The following WRN variants were observed in gnomAD, a reference collection of about 807,000 sequenced individuals.
WRN encodes the protein WRN RecQ like helicase.
WRN carries 149 observed loss-of-function variants against 180.7 expected under a neutral mutation model. The observed-to-expected ratio is 0.82, with a 90% CI of 0.72 to 0.94. The LOEUF is 0.94. WRN is among the 40% of genes least tolerant of loss of function. The pLI, the probability that WRN is intolerant of heterozygous loss-of-function variation, is 0.00. For missense variants in WRN, 1,661 were observed against 1,700.1 expected (o/e 0.98, Z 0.40); for synonymous variants, 548 against 568.9 (o/e 0.96, Z 0.52).
chr8:31,162,154 G>T (rs1228219089), intron 33 of WRN, among the ~76,000 whole-genome samples: 1 of 152,074 alleles, frequency 6.6e-6, no homozygotes, highest in African/African-American at 2.4e-5. Flanking sequence ...TCTTCTTTAT[G>T]AATTAAAATC....
At chr8:31,069,021 T>C (rs901849944) in intron 7 of WRN, among the ~76,000 whole-genome samples, 1 of 152,218 alleles carries the variant, frequency 6.6e-6, no homozygotes, top group Non-Finnish European at 1.5e-5. Flanking sequence ...ATGTAGATAC[T>C]AGCATAATGT....
Position 31,173,011 on chromosome 8 carries a change from G to C in WRN, c.4208G>C (p.Arg1403Thr). ...GINTETSSAE[R>T]KRRLPVWFAK... ...TTCCTACAGACTTCATCTGCAGAGAGAAAGAGACGATTACCTGTGTGGTTT... is the reference window on the plus strand; with the variant it reads ...TTCCTACAGACTTCATCTGCAGAGACAAAGAGACGATTACCTGTGTGGTTT... Residue 1403 changes from arginine to threonine, a missense_variant, in exon 35 of 35, where the codon AGA becomes ACA. Transcript: ENST00000298139. 1.9e-6 allele frequency: 3 copies of C among 1,613,874 alleles called. No individual in the cohort carries two copies. The highest frequency in any genetic ancestry group is 2.5e-6 in the Non-Finnish European group (3 of 1,179,916).
At chr8:31,048,712 C>T (rs1811966343) in intron 1 of WRN, among the ~76,000 whole-genome samples, 1 of 152,116 alleles carries the variant, frequency 6.6e-6, no homozygotes, top group African/African-American at 2.4e-5. Flanking sequence ...GAAGCTGCTT[C>T]TCAGTAAAAA....
At chr8:31,067,439 G>A (rs1429660793) in intron 6 of WRN, among the ~76,000 whole-genome samples, 1 of 152,146 alleles carries the variant, frequency 6.6e-6, no homozygotes, top group Non-Finnish European at 1.5e-5. Context: ...TAATTTGTAT[G>A]TTAAAAAATG....
chr8:31,081,333 G>T (rs756370890), intron 9 of WRN, 37 bp downstream of exon 9: 1 of 1,606,736 alleles, frequency 6.2e-7, no homozygotes, highest in East Asian at 2.2e-5. Context: ...TTAGTTATTA[G>T]TAGGTTCTGG....
intron 24 of WRN, among the ~76,000 whole-genome samples, chr8:31,141,172 C>A (rs1027018091): frequency 6.6e-6 from 1 of 152,138 alleles, no homozygotes. Context: ...CATATCCAAA[C>A]CTATACACTG....
At chr8:31,100,158 G>A (rs553102392) in intron 17 of WRN, among the ~76,000 whole-genome samples, 16 of 152,246 alleles carry the variant, frequency 1.1e-4, no homozygotes, top group East Asian at 3.9e-4. Context: ...ACATTGTCAC[G>A]GATGATTTTA....
intron 19 of WRN, 40 bp downstream of exon 19, chr8:31,111,839 C>CA: frequency 7.6e-7 from 1 of 1,316,322 alleles, no homozygotes; most frequent in Non-Finnish European, 1.1e-6. Context: ...TAATGATTTC[C>CA]TTTTTTTTTT....
At chr8:31,038,566 G>A (rs577275261) in intron 1 of WRN, among the ~76,000 whole-genome samples, 4 of 152,112 alleles carry the variant, frequency 2.6e-5, no homozygotes, top group South Asian at 2.1e-4. Flanking sequence ...AATTTTTATA[G>A]AGTCCAGTTT....
At chr8:31,058,040 T>TA (rs1235965599) in intron 1 of WRN, among the ~76,000 whole-genome samples, 1 of 152,186 alleles carries the variant, frequency 6.6e-6, no homozygotes, top group Non-Finnish European at 1.5e-5. Context: ...TAAGACAGAA[T>TA]AATCATGTAG....
Position 31,132,586 on chromosome 8 carries a change from T to C in WRN, c.2967+80T>C. On this transcript the variant is annotated intron_variant, in intron 24 of 34. Coordinates refer to ENST00000298139, the MANE Select transcript of WRN (RefSeq NM_000553.6). The stretch of plus-strand genomic sequence containing the variant: ...TTTTCTTCAGAGGTTTGCAGTATTA[T>C]GATTGTAGCTTTGACTTCAGATGGG... The C allele has an allele frequency of 1.9e-6, 3 of 1,597,860 alleles. No homozygotes were observed. The South Asian group carries it at 3.3e-5, about 18-fold the overall frequency.
Position 31,085,274 on chromosome 8 carries a change from T to G in WRN, c.1431+28T>G, listed in dbSNP as rs780534763. 22 of 1,610,806 alleles carry G rather than the reference T, an allele frequency of 1.4e-5. No homozygotes were observed. The East Asian group carries it at 4.9e-4, about 36-fold the overall frequency. Reference sequence around the variant, plus strand: ...ATGTTTACAATTATAAAAACATTACTTCAAGTTCTTTCCAAAGGACATTTA... The same window carrying G: ...ATGTTTACAATTATAAAAACATTACGTCAAGTTCTTTCCAAAGGACATTTA... On this transcript the variant is annotated intron_variant, in intron 11 of 34. Transcript: ENST00000298139.
At chr8:31,150,094 C>G (rs1375360301) in intron 30 of WRN, among the ~76,000 whole-genome samples, 1 of 152,100 alleles carries the variant, frequency 6.6e-6, no homozygotes, top group African/African-American at 2.4e-5. Context: ...TGACAATGTC[C>G]TGTTTACCAA....
intron 3 of WRN, among the ~76,000 whole-genome samples, chr8:31,061,755 G>A (rs932077471): frequency 6.6e-6 from 1 of 152,122 alleles, no homozygotes; most frequent in African/African-American, 2.4e-5. Context: ...TTTGTAGACT[G>A]CCTCTGGTGA....
At chr8:31,139,761 CAGCAGAGGAGTAGCCTT>C (rs79745214) in intron 24 of WRN, among the ~76,000 whole-genome samples, 2,884 of 152,206 alleles carry the variant, frequency 0.019, 48 homozygotes, top group Non-Finnish European at 0.03. Flanking sequence ...CTAGCAGAAA[CAGCAGAGGAGTAGCCTT>C]AGCCTCACTT....
intron 18 of WRN, among the ~76,000 whole-genome samples, chr8:31,111,184 A>G (rs1052536767): frequency 2.0e-5 from 3 of 152,116 alleles, no homozygotes; most frequent in African/African-American, 7.2e-5. Flanking sequence ...CCATTGCTTT[A>G]TATAGTTAGA....
At position 31,154,723 on chromosome 8, in the gene WRN, T is replaced by A. The variant is rs2130470549; in HGVS notation, c.3787T>A (p.Tyr1263Asn). Reference protein sequence around the residue: ...CTLSQSMAITYSLFQEKKMPL... With the variant: ...CTLSQSMAITNSLFQEKKMPL... ...ACTTTCACAGTCTATGGCCATCACA[T>A]ACTCTTTATTCCAAGAAAAGAAGAT... The change falls in exon 32 of 35, where the codon TAC becomes AAC. Residue 1263 changes from tyrosine to asparagine, a missense_variant. Transcript: ENST00000298139. 11 of 1,613,538 alleles carry A rather than the reference T, an allele frequency of 6.8e-6. No homozygotes were observed. Among genetic ancestry groups the A allele is most frequent in the Non-Finnish European group, 8.5e-6 (10 of 1,179,690 alleles).
chr8:31,086,299 A>T (rs117936004), intron 11 of WRN, among the ~76,000 whole-genome samples: 131 of 152,204 alleles, frequency 8.6e-4, no homozygotes, highest in Non-Finnish European at 1.5e-3. Context: ...AGGGCCAGGC[A>T]TGGTGGCTCA....
intron 7 of WRN, among the ~76,000 whole-genome samples, chr8:31,072,759 G>A (rs1262404810): frequency 6.6e-6 from 1 of 152,198 alleles, no homozygotes; most frequent in Non-Finnish European, 1.5e-5. Flanking sequence ...TATGTTGGGT[G>A]CTTATGTGTC....
Sources: gnomAD v4.1 joint callset for allele counts (sites outside exome capture counted in the v4.1 genomes callset) on GRCh38, gnomAD v4.1.1 for gene constraint, MANE v1.5 for transcripts, NCBI Gene and HGNC (gene_info 2026-07-23, HGNC 2026-07-21) for gene names.